Variants in CD40LG observed in about 807,000 individuals in gnomAD.
CD40LG encodes CD40 ligand.
In CD40LG, 1 loss-of-function variant was observed where a neutral mutation model predicts 17.2. The ratio of observed to expected loss-of-function variants is 0.06; its 90% CI spans 0.02 to 0.28. CD40LG has a LOEUF of 0.28. Among genes scored for constraint, CD40LG ranks in the 10% least tolerant of loss-of-function variants. The probability of loss-of-function intolerance (pLI) is 1.00; values close to 1 mark genes in which losing one functional copy is unlikely to be tolerated. For missense variants in CD40LG, 133 were observed against 193.2 expected (o/e 0.69, Z 1.85); for synonymous variants, 66 against 74.4 (o/e 0.89, Z 0.58).
chrX:136,649,742 A>T (rs1027929895), intron 1 of CD40LG, among the ~76,000 whole-genome samples: 3 of 112,975 alleles, frequency 2.7e-5, no homozygotes, highest in Non-Finnish European at 5.6e-5. Context: ...ATAAAAGATG[A>T]TTTCTTTAAA....
intron 3 of CD40LG, among the ~76,000 whole-genome samples, chrX:136,655,665 A>T (rs1248773205): frequency 8.9e-6 from 1 of 112,590 alleles, no homozygotes; most frequent in Admixed American, 9.4e-5. Flanking sequence ...ACTGCAAGAT[A>T]TGTTGAGTAA....
rs372639733 is a variant in CD40LG, at chrX:136,650,274, T to C, written c.165T>C (p.Asp55=). 5.1e-6 allele frequency: 6 copies of C among 1,182,177 alleles called. No homozygotes were observed. The East Asian group carries it at 1.2e-4, about 23-fold the overall frequency. The change falls in exon 2 of 5, where the codon GAT becomes GAC. Residue 55 remains aspartate (D), a synonymous_variant. Transcript: ENST00000370629. ...YLHRRLDKIE[D]ERNLHEDFVF... is the part of the protein sequence containing the mutation. The stretch of plus-strand genomic sequence containing the variant: ...TTGTTATTCCAAAATAGATAGAAGA[T>C]GAAAGGAATCTTCATGAAGATTTTG...
chrX:136,655,570 A>G (rs1009637435), intron 3 of CD40LG, among the ~76,000 whole-genome samples: 11 of 112,000 alleles, frequency 9.8e-5, no homozygotes, highest in African/African-American at 3.6e-4. Flanking sequence ...TTCTGAGGCA[A>G]AGAGAGTACT....
At chrX:136,657,279 TG>T (rs2076121936) in intron 4 of CD40LG, among the ~76,000 whole-genome samples, 1 of 111,640 alleles carries the variant, frequency 9.0e-6, no homozygotes, top group Admixed American at 9.5e-5. Context: ...TGAAGTGGCT[TG>T]GGCTTCTCAG....
chrX:136,656,789 C>T (rs1196410967), intron 4 of CD40LG, among the ~76,000 whole-genome samples: 1 of 111,655 alleles, frequency 9.0e-6, no homozygotes, highest in South Asian at 3.8e-4. Flanking sequence ...AAATGGGCCT[C>T]ATGGGGTATT....
At chrX:136,658,239 CA>C (rs1342809961) in intron 4 of CD40LG, among the ~76,000 whole-genome samples, 1 of 111,609 alleles carries the variant, frequency 9.0e-6, no homozygotes, top group Non-Finnish European at 1.9e-5. Context: ...CCTCAACCCT[CA>C]CCCCCATCAG....
intron 3 of CD40LG, 128 bp downstream of exon 3, chrX:136,654,558 C>G (rs760105946): frequency 1.9e-6 from 1 of 518,899 alleles, no homozygotes; most frequent in African/African-American, 2.4e-5. Flanking sequence ...AACAGGAACA[C>G]AATTGTCAAA....
intron 2 of CD40LG, among the ~76,000 whole-genome samples, 189 bp downstream of exon 2, chrX:136,650,586 C>T (rs1227276583): frequency 9.4e-6 from 1 of 105,925 alleles, no homozygotes; most frequent in African/African-American, 3.6e-5. Context: ...AAAAAAAAAA[C>T]ACAAAGACAC....
intron 4 of CD40LG, among the ~76,000 whole-genome samples, chrX:136,657,568 T>G (rs1458794069): frequency 8.9e-6 from 1 of 111,927 alleles, no homozygotes; most frequent in Non-Finnish European, 1.9e-5. Flanking sequence ...ATGGCTTAGA[T>G]GTCAAAAGGG....
At position 136,648,297 on chromosome X, in the gene CD40LG, C is replaced by G. The variant is rs1359082888; in HGVS notation, c.49C>G (p.Leu17Val). The change falls in exon 1 of 5, where the codon CTG becomes GTG. Residue 17 changes from leucine (L) to valine (V), a missense_variant. By Grantham distance (32) the Leu-to-Val change is conservative (BLOSUM62 1). Transcript: ENST00000370629. The part of the protein sequence containing the change: ...QTSPRSAATG[L>V]PISMKIFMYL... ...TTCTCCCCGATCTGCGGCCACTGGA[C>G]TGCCCATCAGCATGAAAATTTTTAT... 5 of 1,200,212 alleles carry G rather than the reference C, an allele frequency of 4.2e-6. No homozygotes were observed. Among genetic ancestry groups the G allele is most frequent in the Non-Finnish European group, 5.6e-6 (5 of 884,961 alleles).
At chrX:136,650,998 C>T (rs374802760) in intron 2 of CD40LG, among the ~76,000 whole-genome samples, 72 of 111,359 alleles carry the variant, frequency 6.5e-4, no homozygotes, top group Middle Eastern at 4.7e-3. Context: ...TCATGAAGCC[C>T]GCCCACTCTA....
rs971642223 is a variant in CD40LG, at chrX:136,660,390, A to G, written c.*975A>G. 1.8e-5 allele frequency: 2 copies of G among 111,951 alleles called. No homozygotes were observed. Among genetic ancestry groups the G allele is most frequent in the African/African-American group, 6.5e-5 (2 of 30,800 alleles). The allele number at this position is 111,951 out of a possible 1,213,427, so 9.2% of individuals were successfully genotyped here. ...TGAATAATAAAGACCTCTTAACATT[A>G]TCGTTGTTGTTTGAGTACCTAAAGC... On this transcript the variant is annotated 3_prime_UTR_variant, in exon 5 of 5. Transcript: ENST00000370629.
At chrX:136,658,009 T>C (rs1233467120) in intron 4 of CD40LG, among the ~76,000 whole-genome samples, 1 of 111,521 alleles carries the variant, frequency 9.0e-6, no homozygotes, top group African/African-American at 3.3e-5. Context: ...GCCCTTTTTT[T>C]CTCAATAAAA....
At position 136,659,570 on chromosome X, in the gene CD40LG, T is replaced by A; in HGVS notation, c.*155T>A. 1 of 567,515 alleles carries A rather than the reference T, an allele frequency of 1.8e-6. No homozygotes were observed. The highest frequency in any genetic ancestry group is 2.8e-6 in the Non-Finnish European group (1 of 362,839). The allele number at this position is 567,515 out of a possible 1,213,427, so 46.8% of individuals were successfully genotyped here. ...TTATACACTCCAAGGCATGTAGAACTGTAATAAGTGAATTACAGGTCACAT... is the reference window on the plus strand; with the variant it reads ...TTATACACTCCAAGGCATGTAGAACAGTAATAAGTGAATTACAGGTCACAT... On this transcript the variant is annotated 3_prime_UTR_variant, in exon 5 of 5. Transcript: ENST00000370629.
At position 136,659,171 on chromosome X, in the gene CD40LG, G is replaced by C. The variant is rs11575982; in HGVS notation, c.542G>C (p.Arg181Pro). 83 of 1,209,725 alleles carry C rather than the reference G, an allele frequency of 6.9e-5. No individual in the cohort carries two copies. The African/African-American group carries it at 1.3e-3, about 19-fold the overall frequency. ...IYAQVTFCSN[R>P]EASSQAPFIA... ...GCCCAAGTCACCTTCTGTTCCAATCGGGAAGCTTCGAGTCAAGCTCCATTT... is the reference window on the plus strand; with the variant it reads ...GCCCAAGTCACCTTCTGTTCCAATCCGGAAGCTTCGAGTCAAGCTCCATTT... Residue 181 changes from arginine (R) to proline (P), a missense_variant, in exon 5 of 5, where the codon CGG (arginine) becomes CCG (proline). Physicochemically the swap from Arg to Pro is moderately radical, Grantham distance 103. Coordinates refer to ENST00000370629, the MANE Select transcript of CD40LG (RefSeq NM_000074.3).
chrX:136,658,792 A>T (rs937633810), intron 4 of CD40LG, among the ~76,000 whole-genome samples: 4 of 111,467 alleles, frequency 3.6e-5, no homozygotes, highest in Non-Finnish European at 7.5e-5. Flanking sequence ...AGTCTCTGAA[A>T]TATGCTCCAA....
intron 2 of CD40LG, among the ~76,000 whole-genome samples, chrX:136,653,404 G>A (rs1157643098): frequency 8.9e-6 from 1 of 112,670 alleles, no homozygotes; most frequent in Non-Finnish European, 1.9e-5. Flanking sequence ...TTCCAGGAGT[G>A]GGAAGGAGCA....
At chrX:136,649,501 G>A (rs62603505) in intron 1 of CD40LG, among the ~76,000 whole-genome samples, 56 of 112,326 alleles carry the variant, frequency 5.0e-4, no homozygotes, top group Non-Finnish European at 1.0e-3. Flanking sequence ...ATGGACATAG[G>A]CCTAGCTTCT....
At chrX:136,654,215 A>T (rs1039766322) in intron 2 of CD40LG, among the ~76,000 whole-genome samples, 158 bp from the exon 3 acceptor site, 2 of 111,470 alleles carry the variant, frequency 1.8e-5, no homozygotes, top group Non-Finnish European at 3.8e-5. Flanking sequence ...TGGACTCCCA[A>T]TTGGCATGAT....
Sources: allele counts gnomAD v4.1 joint callset (sites outside exome capture counted in the v4.1 genomes callset), GRCh38; gene constraint gnomAD v4.1.1; transcripts MANE v1.5; gene names NCBI Gene and HGNC (gene_info 2026-07-23, HGNC 2026-07-21).